Variants in CEP55 observed in about 807,000 individuals in gnomAD.
CEP55 encodes the protein centrosomal protein of 55 kDa.
CEP55 carries 57 observed loss-of-function variants against 63.2 expected under a neutral mutation model. The ratio of observed to expected loss-of-function variants is 0.90; its 90% CI spans 0.73 to 1.13. The LOEUF (loss-of-function observed/expected upper bound fraction) is 1.13. Ranked by LOEUF, CEP55 falls within the 50% of genes most tolerant of loss-of-function variation. The pLI is 0.00. For missense variants in CEP55, 456 were observed against 518.9 expected, an observed-to-expected ratio of 0.88 and a Z score of 1.18; for synonymous variants, 178 against 191.6, an observed-to-expected ratio of 0.93 and a Z score of 0.59.
Position 93,519,787 on chromosome 10 carries a change from A to G in CEP55, c.1171A>G (p.Ile391Val), listed in dbSNP as rs1810122773. The G allele has an allele frequency of 7.4e-6, 12 of 1,614,148 alleles. No homozygotes were observed. The highest frequency in any genetic ancestry group is 1.0e-5 in the Non-Finnish European group (12 of 1,180,022). Residue 391 changes from isoleucine (I) to valine (V), a missense_variant, in exon 8 of 9, where the codon ATA becomes GTA. By Grantham distance (29) the Ile-to-Val change is conservative (BLOSUM62 3). Coordinates refer to ENST00000371485, the MANE Select transcript of CEP55 (RefSeq NM_018131.5). ...LKELRKARNQ[I>V]TQLESLKQLH... ...GGAGCTCCGAAAAGCAAGAAATCAA[A>G]TAACACAGTTGGAATCCTTGGTGAG...
intron 8 of CEP55, among the ~76,000 whole-genome samples, chr10:93,526,009 T>C (rs1429237818): frequency 6.6e-6 from 1 of 152,124 alleles, no homozygotes; most frequent in Non-Finnish European, 1.5e-5. Context: ...GGCAATACCA[T>C]TCAGGACATA....
chr10:93,515,894 C>G (rs1391710440), intron 5 of CEP55, among the ~76,000 whole-genome samples: 1 of 152,182 alleles, frequency 6.6e-6, no homozygotes, highest in Non-Finnish European at 1.5e-5. Context: ...CACTTTGCTT[C>G]CCTTCAGCAC....
At chr10:93,520,049 A>C in intron 8 of CEP55, 1 of 519,728 alleles carries the variant, frequency 1.9e-6, no homozygotes, top group Admixed American at 3.2e-5. Flanking sequence ...TGCTGGAGGC[A>C]CTAAATAGTG....
rs952582360 is a variant in CEP55 at position 93,507,313 on chromosome 10, T to G, written c.528+257T>G. Among the ~76,000 whole-genome samples, 15 of 150,650 alleles carry G rather than the reference T, an allele frequency of 1.0e-4. No individual in the cohort carries two copies. The South Asian group carries it at 3.0e-3, about 30-fold the overall frequency. On this transcript the variant is annotated intron_variant, in intron 4 of 8. Transcript: ENST00000371485. ...ATCTTGGTTCACTGCAACCTCTGTC[T>G]CCTGGGTTCAAGCAGTTCTACCTCA...
At chr10:93,511,390 C>G (rs944585443) in intron 4 of CEP55, among the ~76,000 whole-genome samples, 3 of 152,142 alleles carry the variant, frequency 2.0e-5, no homozygotes, top group African/African-American at 4.8e-5. Context: ...AAACTCAAAA[C>G]TAATACAATC....
intron 1 of CEP55, among the ~76,000 whole-genome samples, chr10:93,497,948 A>G (rs1170619034): frequency 1.3e-5 from 2 of 152,010 alleles, no homozygotes; most frequent in Non-Finnish European, 1.5e-5. Flanking sequence ...GTGAAACCTC[A>G]TCTCTACTAA....
intron 3 of CEP55, among the ~76,000 whole-genome samples, chr10:93,505,578 G>A (rs778760928): frequency 1.3e-5 from 2 of 152,170 alleles, no homozygotes; most frequent in South Asian, 2.1e-4. Context: ...TTTCCACCTC[G>A]AGGACTGAAT....
At chr10:93,516,176 T>G (rs2057801612) in intron 5 of CEP55, among the ~76,000 whole-genome samples, 1 of 152,184 alleles carries the variant, frequency 6.6e-6, no homozygotes, top group Admixed American at 6.5e-5. Context: ...AGAAACTCCA[T>G]GCAATGCTCT....
intron 8 of CEP55, among the ~76,000 whole-genome samples, chr10:93,527,686 A>T (rs1004836686): frequency 6.6e-6 from 1 of 151,860 alleles, no homozygotes; most frequent in Non-Finnish European, 1.5e-5. Context: ...GGCAACATAG[A>T]ATTAATTTTT....
chr10:93,515,529 A>G lies in CEP55; in HGVS notation c.653A>G (p.Gln218Arg), dbSNP rs960758127. 1 of 1,613,500 alleles carries G rather than the reference A, an allele frequency of 6.2e-7. No homozygotes were observed. Among genetic ancestry groups the G allele is most frequent in the Non-Finnish European group, 8.5e-7 (1 of 1,179,548 alleles). Residue 218 changes from glutamine to arginine, a missense_variant, in exon 5 of 9, where the codon CAG (glutamine) becomes CGG (arginine). By Grantham distance (43) the Gln-to-Arg change is conservative. Coordinates refer to ENST00000371485, the MANE Select transcript of CEP55 (RefSeq NM_018131.5). ...GAAACAGCTGCTCATTCACTCCCAC[A>G]GCAGACAAAAAAGCCTGAATCAGAA... ...KTETAAHSLPQQTKKPESEGY... is the reference protein window; with the variant it reads ...KTETAAHSLPRQTKKPESEGY...
At chr10:93,527,597 G>C (rs1365673704) in intron 8 of CEP55, among the ~76,000 whole-genome samples, 1 of 152,142 alleles carries the variant, frequency 6.6e-6, no homozygotes, top group Non-Finnish European at 1.5e-5. Context: ...TGGGTGCAGT[G>C]GTTCATGCCT....
At position 93,515,368 on chromosome 10, in the gene CEP55, T is replaced by TA. The variant is rs1338122556; in HGVS notation, c.529-36dup. On this transcript the variant is annotated intron_variant, in intron 4 of 8. Transcript: ENST00000371485. ...TGCCCATTTTAAGATTTTGTTTTTT[T>TA]ATTTTACTGTTGATTTTCTTTCATC... 12 of 1,555,872 alleles carry TA rather than the reference T, an allele frequency of 7.7e-6. No individual in the cohort carries two copies. In the African/African-American group the frequency reaches 1.6e-4, roughly 21 times the overall value.
intron 1 of CEP55, among the ~76,000 whole-genome samples, chr10:93,499,625 G>A (rs975584970): frequency 5.3e-5 from 8 of 150,050 alleles, no homozygotes; most frequent in South Asian, 2.1e-4. Flanking sequence ...GGGCTCAAGC[G>A]ATTCTCCTGC....
In CEP55 at chr10:93,496,681, G is replaced by T. The variant is rs1021140143; in HGVS notation, c.-255G>T. On this transcript the variant is annotated 5_prime_UTR_variant, in exon 1 of 9. Transcript: ENST00000371485. The stretch of plus-strand genomic sequence containing the variant: ...GACGCGAGCGCCGCGCTTCGCTTCA[G>T]CTGCTAGCTGGCCCAAGGGAGGCGA... 2 of 152,296 alleles carry T rather than the reference G, an allele frequency of 1.3e-5. No individual in the cohort carries two copies. The highest frequency in any genetic ancestry group is 2.9e-5 in the Non-Finnish European group (2 of 68,082). The allele number at this position is 152,296 out of a possible 1,614,324, so 9.4% of individuals were successfully genotyped here. A position where few individuals can be genotyped will look rare whatever the true frequency, so the allele number is the denominator to read the frequency against.
At chr10:93,524,481 C>G (rs1335983833) in intron 8 of CEP55, among the ~76,000 whole-genome samples, 1 of 152,052 alleles carries the variant, frequency 6.6e-6, no homozygotes, top group Non-Finnish European at 1.5e-5. Context: ...CAGGACCAGA[C>G]AGATTCACAG....
chr10:93,510,839 C>T (rs2057739825), intron 4 of CEP55, among the ~76,000 whole-genome samples: 1 of 151,928 alleles, frequency 6.6e-6, no homozygotes, highest in African/African-American at 2.4e-5. Context: ...CCAGTATAGG[C>T]TAACATTTTA....
At chr10:93,497,975 A>T (rs1372217746) in intron 1 of CEP55, among the ~76,000 whole-genome samples, 2 of 152,038 alleles carry the variant, frequency 1.3e-5, no homozygotes, top group Non-Finnish European at 2.9e-5. Context: ...AAAAAAAATT[A>T]GCCAGGCGTG....
At chr10:93,513,085 G>A (rs10882257) in intron 4 of CEP55, among the ~76,000 whole-genome samples, 9,816 of 152,108 alleles carry the variant, frequency 0.065, 337 homozygotes, top group Non-Finnish European at 0.076. Context: ...CACTATTGAC[G>A]ATATATAATA....
In CEP55 at chr10:93,521,394, G is replaced by A. The variant is rs371916164; in HGVS notation, c.1191+1587G>A. 3.3e-5 allele frequency among the ~76,000 whole-genome samples: 5 copies of A among 152,286 alleles called. No homozygotes were observed. In the East Asian group the frequency reaches 7.7e-4, roughly 24 times the overall value. On this transcript the variant is annotated intron_variant, in intron 8 of 8. Coordinates refer to ENST00000371485, the MANE Select transcript of CEP55 (RefSeq NM_018131.5). ...AAACTGCAAGGTAGCAGTGAGGCTG[G>A]GGGAGGGGTGCCCGCCATTGCTGAG...
Sources: gnomAD v4.1 joint callset for allele counts (sites outside exome capture counted in the v4.1 genomes callset) on GRCh38, gnomAD v4.1.1 for gene constraint, MANE v1.5 for transcripts, NCBI Gene and HGNC (gene_info 2026-07-23, HGNC 2026-07-21) for gene names.